The following SLC25A45 variants were observed in gnomAD, a reference collection of about 807,000 sequenced individuals.
SLC25A45 encodes solute carrier family 25 member 45, also known as methylated amino-acid transporter SLC25A45.
In SLC25A45, 22 loss-of-function variants were observed where a neutral mutation model predicts 23.0. That is an observed-to-expected ratio of 0.95 (90% confidence interval 0.68 to 1.36). SLC25A45 has a LOEUF of 1.36. SLC25A45 is among the 40% of genes most tolerant of loss of function. The pLI is 0.00. For synonymous variants in SLC25A45, 136 were observed against 155.0 expected (o/e 0.88, Z 0.91); for missense variants, 355 against 383.5 (o/e 0.93, Z 0.62).
rs536771393 is a variant in SLC25A45, at chr11:65,382,241, T to C, written c.-19+245A>G. On this transcript the variant is annotated intron_variant, in intron 1 of 6. Transcript: ENST00000398802. The surrounding 1 kb of genome is among the most constrained non-coding windows in gnomAD (Gnocchi z 4.4). The stretch of plus-strand genomic sequence containing the variant: ...CGGCCAATGATCCTCGCTCTGAGGA[T>C]GGCAACTGGGTTCCTGCCCCATGGT... 25 of 505,406 alleles carry C rather than the reference T, an allele frequency of 4.9e-5. No homozygotes were observed. The highest frequency in any genetic ancestry group is 5.5e-4 in the Middle Eastern group (1 of 1,822). The allele number at this position is 505,406 out of a possible 1,614,324, so 31.3% of individuals were successfully genotyped here. A position where few individuals can be genotyped will look rare whatever the true frequency, so the allele number is the denominator to read the frequency against.
Position 65,376,495 on chromosome 11 carries a change from C to G in SLC25A45, c.779G>C (p.Arg260Pro), listed in dbSNP as rs1161832436. ...GCGGGCACTGTTGATGGTGACCCCC[C>G]GGAAGAAGACTCCCAGTCCTTCCTG... ...IRQEGLGVFF[R>P]GVTINSARAF... Residue 260 changes from arginine (R) to proline (P), a missense_variant, in exon 7 of 7, where the codon CGG (arginine) becomes CCG (proline). Coordinates refer to ENST00000398802, the MANE Select transcript of SLC25A45 (RefSeq NM_182556.4). 2 of 1,614,182 alleles carry G rather than the reference C, an allele frequency of 1.2e-6. No homozygotes were observed. The highest frequency in any genetic ancestry group is 1.1e-5 in the South Asian group (1 of 91,086).
Position 65,376,542 on chromosome 11 carries a change from GT to G in SLC25A45, c.731del (p.Asp244AlafsTer4). 5.6e-6 allele frequency: 9 copies of G among 1,614,204 alleles called. No individual in the cohort carries two copies. The highest frequency in any genetic ancestry group is 7.6e-6 in the Non-Finnish European group (9 of 1,180,044). ...LRRRVYQGMLDCMVSSIRQEG... is the reference protein window; with the variant it reads ...LRRRVYQGMLXCMVSSIRQEG... Reference sequence around the variant, plus strand: ...CCTGCCGGATGCTGCTCACCATGCAGTCCAGCATCCCCTGGTACACTCTGCG... The same window carrying G: ...CCTGCCGGATGCTGCTCACCATGCAGCCAGCATCCCCTGGTACACTCTGCG... On this transcript the variant is annotated frameshift_variant, in exon 7 of 7. Coordinates refer to ENST00000398802, the MANE Select transcript of SLC25A45 (RefSeq NM_182556.4). LOFTEE classifies it high-confidence loss of function.
chr11:65,376,291 G>T lies in SLC25A45; in HGVS notation c.*116C>A. 7.5e-7 allele frequency: 1 copy of T among 1,325,546 alleles called. No homozygotes were observed. The highest frequency in any genetic ancestry group is 1.0e-6 in the Non-Finnish European group (1 of 966,494). 82.1% of individuals were successfully genotyped at this position (1,325,546 alleles called of 1,614,324 possible). On this transcript the variant is annotated 3_prime_UTR_variant, in exon 7 of 7. Transcript: ENST00000398802. ...GATCTGCGCGGGTGGGAGGCACCTTGGTTAGGAAGGGCTGAGCCTCTTGCA... is the reference window on the plus strand; with the variant it reads ...GATCTGCGCGGGTGGGAGGCACCTTTGTTAGGAAGGGCTGAGCCTCTTGCA...
chr11:65,382,078 G>A lies in SLC25A45; in HGVS notation c.-18-109C>T, dbSNP rs1416206949. On this transcript the variant is annotated intron_variant, in intron 1 of 6. Transcript: ENST00000398802. The surrounding 1 kb of genome is among the most constrained non-coding windows in gnomAD (Gnocchi z 4.4). ...AACCCTGGCGGGAAGGTGAGAATTG[G>A]CCTGGTGCCCAGACCTCCGGCAACT... 5 of 874,208 alleles carry A rather than the reference G, an allele frequency of 5.7e-6. No individual in the cohort carries two copies. Among genetic ancestry groups the A allele is most frequent in the Admixed American group, 1.9e-5 (1 of 52,404 alleles). The allele number at this position is 874,208 out of a possible 1,614,324, so 54.2% of individuals were successfully genotyped here.
intron 5 of SLC25A45, chr11:65,379,066 C>T: frequency 5.3e-6 from 2 of 376,994 alleles, no homozygotes; most frequent in South Asian, 2.9e-5. Context: ...GAGTGGGCTC[C>T]CCACAGCTCT....
At chr11:65,379,840 A>C in intron 4 of SLC25A45, 27 bp downstream of exon 4, 1 of 1,613,638 alleles carries the variant, frequency 6.2e-7, no homozygotes, top group South Asian at 1.1e-5. Context: ...CGAAAGGGGA[A>C]GGACCCCAAA....
Position 65,380,170 on chromosome 11 carries a change from G to C in SLC25A45, c.43C>G (p.Leu15Val). ...EFVAGWISGA[L>V]GLVLGHPFDT... ...AACGGGTGTCCCAGGACCAAGCCCA[G>C]AGCGCCTGTGGTGACAAGAGGGTGC... Residue 15 changes from leucine to valine, a missense_variant, in exon 3 of 7, where the codon CTG becomes GTG. Coordinates refer to ENST00000398802, the MANE Select transcript of SLC25A45 (RefSeq NM_182556.4). 6.2e-7 allele frequency: 1 copy of C among 1,614,186 alleles called. No individual in the cohort carries two copies. The highest frequency in any genetic ancestry group is 8.5e-7 in the Non-Finnish European group (1 of 1,180,026).
At chr11:65,379,119 TG>T (rs1855386192) in intron 5 of SLC25A45, 1 of 494,016 alleles carries the variant, frequency 2.0e-6, no homozygotes. Flanking sequence ...CCCCGTCAGC[TG>T]GAGCGAGTGG....
chr11:65,379,807 A>G lies in SLC25A45; in HGVS notation c.153+60T>C, dbSNP rs1238546074. The G allele has an allele frequency of 6.3e-6, 10 of 1,588,854 alleles. 1 individual carries two copies. Among genetic ancestry groups the G allele is most frequent in the Non-Finnish European group, 8.6e-6 (10 of 1,157,786 alleles). ...AACCCTGCTGGAGAGGGAAGCTGGT[A>G]CCAACAGCCCCAGATGCCTCCCCGA... On this transcript the variant is annotated intron_variant, in intron 4 of 6. Coordinates refer to ENST00000398802, the MANE Select transcript of SLC25A45 (RefSeq NM_182556.4).
intron 2 of SLC25A45, chr11:65,380,392 TA>T: frequency 1.1e-6 from 1 of 891,274 alleles, no homozygotes. Context: ...GACAAGGGAC[TA>T]AGACCCCAGG....
At chr11:65,383,321 C>G (rs1353050936), upstream of SLC25A45, 1 of 152,618 alleles carries the variant, frequency 6.6e-6, no homozygotes, top group East Asian at 1.9e-4. Flanking sequence ...CTCCTACCTC[C>G]TGCCTCTGGA....
chr11:65,380,244 G>A, intron 2 of SLC25A45, 69 bp from the exon 3 acceptor site: 2 of 1,611,148 alleles, frequency 1.2e-6, no homozygotes, highest in Non-Finnish European at 1.7e-6. Flanking sequence ...TCTGTGCCAA[G>A]AGGAAAGAGG....
At position 65,376,027 on chromosome 11, in the gene SLC25A45, G is replaced by A. The variant is rs562917762; in HGVS notation, c.*380C>T. On this transcript the variant is annotated 3_prime_UTR_variant, in exon 7 of 7. Transcript: ENST00000398802. ...GGAGGTTGCAGTGAGCCGAGATCAC[G>A]CCACTGCATTCCAGCCTGGGTGACA... The A allele has an allele frequency of 3.4e-5, 7 of 208,730 alleles. No individual in the cohort carries two copies. The highest frequency in any genetic ancestry group is 1.2e-4 in the Admixed American group (2 of 16,552). The allele number at this position is 208,730 out of a possible 1,614,324, so 12.9% of individuals were successfully genotyped here.
At position 65,379,394 on chromosome 11, in the gene SLC25A45, G is replaced by A; in HGVS notation, c.321C>T (p.Cys107=). ...PSYMHIFLAG[C]TGGFLQAYCL... The stretch of plus-strand genomic sequence containing the variant: ...CCCTCACCTGCAGGAACCCCCCGGT[G>A]CAGCCCGCTAGGAAGATGTGCATGT... Residue 107 remains cysteine (C), a synonymous_variant, in exon 5 of 7, where the codon TGC becomes TGT. Transcript: ENST00000398802. 1 of 1,610,814 alleles carries A rather than the reference G, an allele frequency of 6.2e-7. No homozygotes were observed. Among genetic ancestry groups the A allele is most frequent in the Non-Finnish European group, 8.5e-7 (1 of 1,179,930 alleles).
intron 5 of SLC25A45, chr11:65,378,987 G>A (rs79886514): frequency 0.02 from 4,818 of 240,158 alleles, 283 homozygotes; most frequent in African/African-American, 0.11. Context: ...ATCAGGACCC[G>A]GCCAGAGGGG....
chr11:65,383,137 T>C (rs1342588518), upstream of SLC25A45: 1 of 152,248 alleles, frequency 6.6e-6, no homozygotes, highest in South Asian at 2.1e-4. Context: ...CTGGGAAACA[T>C]CAAGGCCCAG....
At position 65,375,418 on chromosome 11, in the gene SLC25A45, A is replaced by G. The variant is rs562757293; in HGVS notation, c.*989T>C. ...CAGCCTCAGGTGGGGAGGTAAGTCA[A>G]GGAAGGGTGAGGGGACTGGGCTCAG... On this transcript the variant is annotated 3_prime_UTR_variant, in exon 7 of 7. Coordinates refer to ENST00000398802, the MANE Select transcript of SLC25A45 (RefSeq NM_182556.4). 5.9e-5 allele frequency: 9 copies of G among 152,508 alleles called. No individual in the cohort carries two copies. The highest frequency in any genetic ancestry group is 2.2e-4 in the African/African-American group (9 of 41,544). The allele number at this position is 152,508 out of a possible 1,614,324, so 9.4% of individuals were successfully genotyped here. A position where few individuals can be genotyped will look rare whatever the true frequency, so the allele number is the denominator to read the frequency against.
chr11:65,380,643 T>G, intron 2 of SLC25A45: 2 of 1,281,916 alleles, frequency 1.6e-6, no homozygotes, highest in Non-Finnish European at 1.0e-6. Context: ...CTGATGGGGG[T>G]CATGCCTGGG....
intron 5 of SLC25A45, chr11:65,377,624 G>A (rs1254974256): frequency 6.3e-6 from 1 of 158,340 alleles, no homozygotes; most frequent in African/African-American, 2.4e-5. Context: ...TCCCACCAAA[G>A]AGGCTTCTGA....
Sources: gnomAD v4.1 joint callset for allele counts on GRCh38, gnomAD v4.1.1 for gene constraint, Gnocchi (gnomAD v3.1) non-coding constraint, MANE v1.5 for transcripts, NCBI Gene and HGNC (gene_info 2026-07-23, HGNC 2026-07-21) for gene names.